Variants in AKNA observed in about 807,000 individuals in gnomAD.
AKNA encodes AT-hook transcription factor.
In AKNA, 67 loss-of-function variants were observed where a neutral mutation model predicts 138.8. That is an observed-to-expected ratio of 0.48 (90% CI 0.40 to 0.59). The LOEUF (loss-of-function observed/expected upper bound fraction) is 0.59, where lower values mean the gene tolerates loss of function less well. Ranked by LOEUF, AKNA falls within the 20% of genes least tolerant of loss-of-function variation. The probability of loss-of-function intolerance (pLI) is 0.00; values close to 1 mark genes in which losing one functional copy is unlikely to be tolerated. For synonymous variants in AKNA, 737 were observed against 754.4 expected (o/e 0.98, Z 0.38); for missense variants, 1,813 against 1,880.4 (o/e 0.96, Z 0.66).
At chr9:114,358,642 T>G (rs1831681953) in intron 11 of AKNA, among the ~76,000 whole-genome samples, 1 of 151,880 alleles carries the variant, frequency 6.6e-6, no homozygotes, top group African/African-American at 2.4e-5. Flanking sequence ...AGGCCTTGTG[T>G]GCTCTCATAC....
At chr9:114,372,108 A>T (rs1308204772) in intron 4 of AKNA, among the ~76,000 whole-genome samples, 1 of 152,098 alleles carries the variant, frequency 6.6e-6, no homozygotes, top group Non-Finnish European at 1.5e-5. Flanking sequence ...GCAGGAGATG[A>T]TAGTATCATC....
chr9:114,362,301 TC>T, intron 8 of AKNA, 104 bp downstream of exon 8: 1 of 1,418,634 alleles, frequency 7.0e-7, no homozygotes, highest in Non-Finnish European at 9.3e-7. Flanking sequence ...TTCTCTCTAT[TC>T]CCCGTGTACA....
Position 114,365,426 on chromosome 9 carries a change from C to T in AKNA, c.1729-807G>A, listed in dbSNP as rs113568114. Among the ~76,000 whole-genome samples, 376 of 152,236 alleles carry T rather than the reference C, an allele frequency of 2.5e-3. 4 individuals are homozygous for T. Among genetic ancestry groups the T allele is most frequent in the African/African-American group, 8.4e-3 (350 of 41,528 alleles). ...GTTTTTGCTCAATATGCCCTCTGTA[C>T]TGTGCAAAGGTCCTTATCATGGGCA... On this transcript the variant is annotated intron_variant, in intron 6 of 21. Transcript: ENST00000374088.
chr9:114,397,888 G>C (rs1358636376), upstream of AKNA, among the ~76,000 whole-genome samples: 1 of 152,186 alleles, frequency 6.6e-6, no homozygotes, highest in African/African-American at 2.4e-5. Flanking sequence ...AGAAACTTGC[G>C]TTAGGCGTCC....
At chr9:114,357,543 A>G (rs1228378526) in intron 12 of AKNA, among the ~76,000 whole-genome samples, 1 of 152,084 alleles carries the variant, frequency 6.6e-6, no homozygotes, top group Non-Finnish European at 1.5e-5. Flanking sequence ...GTGTTTGTGC[A>G]TAAGTGCACA....
intron 1 of AKNA, among the ~76,000 whole-genome samples, chr9:114,383,640 G>A (rs1833839059): frequency 6.6e-6 from 1 of 152,184 alleles, no homozygotes. Flanking sequence ...CTGTGTTGAA[G>A]GCAGTATGAC....
At chr9:114,362,309 T>A in intron 8 of AKNA, 97 bp downstream of exon 8, 1 of 1,442,502 alleles carries the variant, frequency 6.9e-7, no homozygotes, top group South Asian at 1.4e-5. Context: ...ATTCCCCGTG[T>A]ACAAATTATA....
At chr9:114,368,299 A>C in intron 5 of AKNA, 140 bp downstream of exon 5, 1 of 996,202 alleles carries the variant, frequency 1.0e-6, no homozygotes, top group Non-Finnish European at 1.3e-6. Context: ...TTTTGAGTCA[A>C]AGTGCCCAGG....
chr9:114,347,589 C>T (rs574344407), intron 16 of AKNA, 135 bp downstream of exon 16: 477 of 921,508 alleles, frequency 5.2e-4, no homozygotes, highest in Admixed American at 2.3e-3. Context: ...ACAAGCTCAA[C>T]AGTGAATGAA....
intron 21 of AKNA, among the ~76,000 whole-genome samples, chr9:114,339,970 A>G (rs2787342): frequency 0.066 from 9,982 of 152,186 alleles, 1,108 homozygotes; most frequent in African/African-American, 0.23. Flanking sequence ...GTGGTGGCAC[A>G]CTATTGTATT....
At chr9:114,392,957 A>T (rs780367895), upstream of AKNA, among the ~76,000 whole-genome samples, 41 of 152,200 alleles carry the variant, frequency 2.7e-4, 1 homozygote, top group Non-Finnish European at 5.0e-4. Flanking sequence ...TGAGGAAAAC[A>T]CATACATAAA....
Position 114,361,828 on chromosome 9 carries a change from T to C in AKNA, c.2000A>G (p.Glu667Gly). ...CAGAGCTGAGTCTGACCCGGGCGGC[T>C]CAGGCTCTTGCTGGGTCTGGTCTAT... ...EHIDQTQQEP[E>G]PPGSDSALDS... Residue 667 changes from glutamate (E) to glycine (G), a missense_variant, in exon 9 of 22, where the codon GAG becomes GGG. By Grantham distance (98) the Glu-to-Gly change is moderately conservative. Transcript: ENST00000374088. 1 of 1,613,202 alleles carries C rather than the reference T, an allele frequency of 6.2e-7. No homozygotes were observed. Among genetic ancestry groups the C allele is most frequent in the Non-Finnish European group, 8.5e-7 (1 of 1,180,014 alleles).
chr9:114,366,929 C>T (rs932000182), intron 6 of AKNA, among the ~76,000 whole-genome samples: 7 of 152,174 alleles, frequency 4.6e-5, no homozygotes, highest in Non-Finnish European at 5.9e-5. Context: ...ACTCACTCCA[C>T]GTATTTTATT....
intron 15 of AKNA, among the ~76,000 whole-genome samples, chr9:114,349,683 C>T (rs563558806): frequency 7.2e-5 from 11 of 152,320 alleles, no homozygotes; most frequent in Admixed American, 2.0e-4. Context: ...CAGTGAATGT[C>T]TCCCCTTACC....
chr9:114,377,472 G>C lies in AKNA; in HGVS notation c.335C>G (p.Pro112Arg). The C allele has an allele frequency of 1.2e-6, 2 of 1,613,338 alleles. No homozygotes were observed. The highest frequency in any genetic ancestry group is 1.7e-6 in the Non-Finnish European group (2 of 1,179,808). The change falls in exon 3 of 22, where the codon CCC becomes CGC. Residue 112 changes from proline to arginine, a missense_variant. Physicochemically the swap from Pro to Arg is moderately radical, Grantham distance 103. Coordinates refer to ENST00000374088, the MANE Select transcript of AKNA (RefSeq NM_001317950.2). ...ASSHEPLAWL[P>R]QQGRQLDMTE... is the part of the protein sequence containing the mutation. ...CATGTCCAGCTGACGGCCCTGCTGG[G>C]GGAGCCAGGCAAGAGGCTCATGGGA... is the stretch of plus-strand genomic sequence containing the variant.
At position 114,376,703 on chromosome 9, in the gene AKNA, C is replaced by T. The variant is rs1056100279; in HGVS notation, c.1104G>A (p.Val368=). 1 of 1,612,544 alleles carries T rather than the reference C, an allele frequency of 6.2e-7. No individual in the cohort carries two copies. The highest frequency in any genetic ancestry group is 8.5e-7 in the Non-Finnish European group (1 of 1,179,318). ...LPDFSKVGPR[V]RFPKDESYRP... Reference sequence around the variant, plus strand: ...GGTAGCTCTCATCTTTGGGGAATCTCACCCGGGGCCCTACCTTGGAGAAAT... The same window carrying T: ...GGTAGCTCTCATCTTTGGGGAATCTTACCCGGGGCCCTACCTTGGAGAAAT... The change falls in exon 3 of 22, where the codon GTG becomes GTA. Residue 368 remains valine, a synonymous_variant. Transcript: ENST00000374088.
At position 114,362,429 on chromosome 9, in the gene AKNA, C is replaced by T. The variant is rs776967230; in HGVS notation, c.1893G>A (p.Thr631=). 49 of 1,611,898 alleles carry T rather than the reference C, an allele frequency of 3.0e-5. No homozygotes were observed. The highest frequency in any genetic ancestry group is 3.3e-4 in the Middle Eastern group (2 of 6,082). Residue 631 remains threonine, a synonymous_variant, in exon 8 of 22, where the codon ACG becomes ACA. Coordinates refer to ENST00000374088, the MANE Select transcript of AKNA (RefSeq NM_001317950.2). ...PAQPLAGSKG[T]PGRFDPRREL... is the part of the protein sequence containing the mutation. The stretch of plus-strand genomic sequence containing the variant: ...ACCTGCGAGGATCAAATCTTCCAGG[C>T]GTCCCCTTGGAGCCGGCAAGCGGCT...
At chr9:114,353,784 G>A (rs566870241) in intron 14 of AKNA, among the ~76,000 whole-genome samples, 10 of 152,292 alleles carry the variant, frequency 6.6e-5, no homozygotes, top group African/African-American at 1.9e-4. Context: ...AAGTATTTGT[G>A]TATCTAAACA....
chr9:114,359,798 C>A lies in AKNA; in HGVS notation c.2292-4G>T. 1 of 1,600,748 alleles carries A rather than the reference C, an allele frequency of 6.2e-7. No homozygotes were observed. Among genetic ancestry groups the A allele is most frequent in the South Asian group, 1.1e-5 (1 of 89,184 alleles). The stretch of plus-strand genomic sequence containing the variant: ...GAGAGACTTCACACTGAGGTACCTG[C>A]AGAAGAACACACAGAGGGGCATGAC... On this transcript the variant is annotated splice_polypyrimidine_tract_variant and splice_region_variant and intron_variant, in intron 10 of 21. Transcript: ENST00000374088.
Sources: gnomAD v4.1 joint callset for allele counts (sites outside exome capture counted in the v4.1 genomes callset) on GRCh38, gnomAD v4.1.1 for gene constraint, MANE v1.5 for transcripts, NCBI Gene and HGNC (gene_info 2026-07-23, HGNC 2026-07-21) for gene names.